The following FAF1 variants were observed in gnomAD, a reference collection of about 807,000 sequenced individuals.
FAF1 encodes the protein Fas associated factor 1.
A neutral mutation model predicts 92.5 loss-of-function variants in FAF1; 25 were observed. The observed-to-expected ratio is 0.27, with a 90% confidence interval of 0.20 to 0.38. The LOEUF (loss-of-function observed/expected upper bound fraction) is 0.38, where lower values mean the gene tolerates loss of function less well. Among genes scored for constraint, FAF1 ranks in the 10% least tolerant of loss-of-function variants. FAF1 has a pLI of 1.00. For synonymous variants in FAF1, 234 were observed against 273.2 expected (o/e 0.86, Z 1.42); for missense variants, 636 against 793.3 (o/e 0.80, Z 2.38).
chr1:50,883,320 C>T (rs903722100), intron 1 of FAF1, among the ~76,000 whole-genome samples: 15 of 152,092 alleles, frequency 9.9e-5, no homozygotes, highest in Admixed American at 6.5e-5. Context: ...TTTTTATTTG[C>T]AAAATGCTAA....
intron 9 of FAF1, among the ~76,000 whole-genome samples, chr1:50,587,213 A>C (rs1651278691): frequency 6.6e-6 from 1 of 152,210 alleles, no homozygotes; most frequent in South Asian, 2.1e-4. Flanking sequence ...ACCTTACTTC[A>C]TACTAAGATA....
intron 18 of FAF1, among the ~76,000 whole-genome samples, chr1:50,472,368 T>TACACACAC (rs71850142): frequency 0.016 from 2,004 of 123,906 alleles, 40 homozygotes; most frequent in Admixed American, 0.029. Context: ...GGGGAAAACA[T>TACACACAC]ACACACACAC....
chr1:50,561,778 T>C (rs978360685), intron 13 of FAF1, among the ~76,000 whole-genome samples: 6 of 151,712 alleles, frequency 4.0e-5, no homozygotes, highest in Non-Finnish European at 7.4e-5. Flanking sequence ...GTGAGCTGGA[T>C]TGCGCCACCG....
At chr1:50,752,108 T>C (rs1385592528) in intron 4 of FAF1, among the ~76,000 whole-genome samples, 8 of 152,182 alleles carry the variant, frequency 5.3e-5, no homozygotes, top group African/African-American at 1.4e-4. Context: ...TAGTTGGGAC[T>C]ACAGGCGCGT....
intron 2 of FAF1, among the ~76,000 whole-genome samples, chr1:50,819,504 G>A (rs1305935822): frequency 6.7e-6 from 1 of 149,572 alleles, no homozygotes; most frequent in Non-Finnish European, 1.5e-5. Flanking sequence ...GTACACACCT[G>A]TAATCCCAGC....
intron 12 of FAF1, among the ~76,000 whole-genome samples, chr1:50,579,284 G>A (rs954549176): frequency 6.6e-6 from 1 of 152,044 alleles, no homozygotes; most frequent in East Asian, 1.9e-4. Flanking sequence ...AAGCTAAAAT[G>A]TGTGAGGTAT....
rs578258927 is a variant in FAF1, at chr1:50,549,743, T to C, written c.1269-10015A>G. ...TGAGCTGAGATCCCACCACTGCACT[T>C]CAGCCTAGGTGACACAGAGAGACTC... is the stretch of plus-strand genomic sequence containing the variant. On this transcript the variant is annotated intron_variant, in intron 13 of 18. Coordinates refer to ENST00000396153, the MANE Select transcript of FAF1 (RefSeq NM_007051.3). Among the ~76,000 whole-genome samples, 40 of 151,768 alleles carry C rather than the reference T, an allele frequency of 2.6e-4. No individual in the cohort carries two copies. The East Asian group carries it at 5.7e-3, about 22-fold the overall frequency.
chr1:50,904,895 T>C (rs1644823611), intron 1 of FAF1, among the ~76,000 whole-genome samples: 7 of 152,168 alleles, frequency 4.6e-5, no homozygotes, highest in Admixed American at 4.6e-4. Context: ...TTTTTTCCTT[T>C]TTTTAATATA....
chr1:50,939,887 A>C (rs1342228535), intron 1 of FAF1, among the ~76,000 whole-genome samples: 1 of 152,152 alleles, frequency 6.6e-6, no homozygotes, highest in African/African-American at 2.4e-5. Flanking sequence ...GTATTACAGT[A>C]TGTCAATAAA....
chr1:50,868,215 A>G (rs1466150117), intron 1 of FAF1, among the ~76,000 whole-genome samples: 1 of 152,172 alleles, frequency 6.6e-6, no homozygotes, highest in Non-Finnish European at 1.5e-5. Flanking sequence ...AAGACTACAC[A>G]TTGTGTACAG....
At chr1:50,840,019 G>A (rs773876280) in intron 2 of FAF1, among the ~76,000 whole-genome samples, 2 of 151,622 alleles carry the variant, frequency 1.3e-5, no homozygotes, top group Non-Finnish European at 2.9e-5. Flanking sequence ...TTTCAAAACT[G>A]GTGCTAAAAC....
rs192341449 is a variant in FAF1, at chr1:50,469,736, C to T, written c.1869+5728G>A. 1.9e-4 allele frequency among the ~76,000 whole-genome samples: 29 copies of T among 152,174 alleles called. 1 individual carries two copies. The East Asian group carries it at 5.4e-3, about 28-fold the overall frequency. ...ATAGGTTTAATTTGGGCTATGACGA[C>T]TTGGGCAGTGGTATAGAGGGAAAGA... On this transcript the variant is annotated intron_variant, in intron 18 of 18. Coordinates refer to ENST00000396153, the MANE Select transcript of FAF1 (RefSeq NM_007051.3).
chr1:50,677,949 C>T (rs1656205871), intron 7 of FAF1, among the ~76,000 whole-genome samples: 1 of 148,648 alleles, frequency 6.7e-6, no homozygotes. Flanking sequence ...TTATGCAGTT[C>T]TTGCCATCTT....
intron 2 of FAF1, among the ~76,000 whole-genome samples, chr1:50,827,528 G>A (rs938270205): frequency 6.6e-6 from 1 of 152,058 alleles, no homozygotes. Flanking sequence ...GAAAACCAGA[G>A]ACCTTTGTTC....
At chr1:50,841,244 A>T (rs992368868) in intron 2 of FAF1, among the ~76,000 whole-genome samples, 2 of 152,078 alleles carry the variant, frequency 1.3e-5, no homozygotes, top group Non-Finnish European at 2.9e-5. Context: ...ACACATATAT[A>T]TAAAATTTTG....
chr1:50,938,946 C>A (rs552134094), intron 1 of FAF1, among the ~76,000 whole-genome samples: 45 of 152,260 alleles, frequency 3.0e-4, no homozygotes, highest in Admixed American at 4.6e-4. Flanking sequence ...TGTACCAGTA[C>A]CATGCTGTTT....
intron 17 of FAF1, among the ~76,000 whole-genome samples, chr1:50,487,151 C>G (rs1383251229): frequency 6.6e-6 from 1 of 152,188 alleles, no homozygotes. Flanking sequence ...TGCACAGCTT[C>G]CTCTTGAACA....
At chr1:50,782,762 T>G (rs1282407653) in intron 4 of FAF1, among the ~76,000 whole-genome samples, 1 of 152,090 alleles carries the variant, frequency 6.6e-6, no homozygotes, top group Non-Finnish European at 1.5e-5. Context: ...AAGAAATATA[T>G]TTTTTAATAA....
At chr1:50,718,457 T>C (rs968966321) in intron 6 of FAF1, among the ~76,000 whole-genome samples, 3 of 152,258 alleles carry the variant, frequency 2.0e-5, no homozygotes, top group Non-Finnish European at 4.4e-5. Flanking sequence ...ATCAGTGCTA[T>C]GTGTGCAGTT....
Sources: gnomAD v4.1 joint callset for allele counts (sites outside exome capture counted in the v4.1 genomes callset) on GRCh38, gnomAD v4.1.1 for gene constraint, MANE v1.5 for transcripts, NCBI Gene and HGNC (gene_info 2026-07-23, HGNC 2026-07-21) for gene names.